The following CASZ1 variants were observed in gnomAD, a reference collection of about 807,000 sequenced individuals.
CASZ1 encodes castor zinc finger 1.
In CASZ1, 28 loss-of-function variants were observed where a neutral mutation model predicts 135.2. That is an observed-to-expected ratio of 0.21 (90% CI 0.15 to 0.28). The LOEUF (loss-of-function observed/expected upper bound fraction) is 0.28. CASZ1 is among the 10% of genes least tolerant of loss of function. CASZ1 has a pLI of 1.00. For synonymous variants in CASZ1, 1,068 were observed against 1,073.4 expected (o/e 0.99, Z 0.10); for missense variants, 2,161 against 2,453.3 (o/e 0.88, Z 2.52).
chr1:10,769,049 A>G (rs1326235286), intron 1 of CASZ1, among the ~76,000 whole-genome samples: 1 of 152,218 alleles, frequency 6.6e-6, no homozygotes, highest in Non-Finnish European at 1.5e-5. Flanking sequence ...CTGAGGCAGG[A>G]GAATCACTTG....
rs536621963 is a variant in CASZ1 at position 10,742,636 on chromosome 1, C to G, written c.-77+18065G>C. Among the ~76,000 whole-genome samples the G allele has an allele frequency of 1.1e-3, 165 of 152,248 alleles. 2 individuals are homozygous for G. The highest frequency in any genetic ancestry group is 3.8e-3 in the African/African-American group (159 of 41,550). ...GAAATCCTCCAGTCAGGGTCAAGCCCTTATCTGAGCGCATTGAAAGGAAGG... is the reference window on the plus strand; with the variant it reads ...GAAATCCTCCAGTCAGGGTCAAGCCGTTATCTGAGCGCATTGAAAGGAAGG... On this transcript the variant is annotated intron_variant, in intron 2 of 20. Transcript: ENST00000377022.
chr1:10,701,514 T>G lies in CASZ1; in HGVS notation c.-24+3978A>C, dbSNP rs1639060000. Among the ~76,000 whole-genome samples, 1 of 151,120 alleles carries G rather than the reference T, an allele frequency of 6.6e-6. No individual in the cohort carries two copies. ...TCTCGCCAAAGCTCGCCCTTCAGAG[T>G]GATGGAGTGATGGGAGGAGGGGGGG... On this transcript the variant is annotated intron_variant, in intron 3 of 20. Coordinates refer to ENST00000377022, the MANE Select transcript of CASZ1 (RefSeq NM_001079843.3). The surrounding 1 kb of genome is among the most constrained non-coding windows in gnomAD (Gnocchi z 6.3).
chr1:10,700,776 G>A lies in CASZ1; in HGVS notation c.-24+4716C>T, dbSNP rs1442975712. Reference sequence around the variant, plus strand: ...TGGGGGACAGAGAGGGACTGCTAATGAGTACAGGGTTTCTTCCTGGGGGAA... The same window carrying A: ...TGGGGGACAGAGAGGGACTGCTAATAAGTACAGGGTTTCTTCCTGGGGGAA... On this transcript the variant is annotated intron_variant, in intron 3 of 20. Transcript: ENST00000377022. This position sits in a 1 kb window ranked among gnomAD's most constrained non-coding sequence, Gnocchi z 4.2. Among the ~76,000 whole-genome samples the A allele has an allele frequency of 6.6e-6, 1 of 152,196 alleles. No individual in the cohort carries two copies. Among genetic ancestry groups the A allele is most frequent in the African/African-American group, 2.4e-5 (1 of 41,426 alleles).
chr1:10,753,700 G>C (rs1309279127), intron 2 of CASZ1, among the ~76,000 whole-genome samples: 1 of 152,186 alleles, frequency 6.6e-6, no homozygotes, highest in Non-Finnish European at 1.5e-5. Flanking sequence ...AGCAGGGCAA[G>C]TTCCAGACAG....
Position 10,767,140 on chromosome 1 carries a change from G to A in CASZ1, c.-233-6283C>T, listed in dbSNP as rs531342768. 4.6e-5 allele frequency among the ~76,000 whole-genome samples: 7 copies of A among 151,708 alleles called. No homozygotes were observed. The highest frequency in any genetic ancestry group is 3.9e-4 in the East Asian group (2 of 5,118). On this transcript the variant is annotated intron_variant, in intron 1 of 20. Transcript: ENST00000377022. This position sits in a 1 kb window ranked among gnomAD's most constrained non-coding sequence, Gnocchi z 4.2. ...GGGAAAAGATGGGGCCCGGTCGTCC[G>A]CATTCCTCATGAGTTCCTGATGGGA... is the stretch of plus-strand genomic sequence containing the variant.
chr1:10,751,423 G>A (rs767739097), intron 2 of CASZ1, among the ~76,000 whole-genome samples: 2 of 152,304 alleles, frequency 1.3e-5, no homozygotes, highest in Non-Finnish European at 2.9e-5. Flanking sequence ...TCTTTAGGGT[G>A]AGGCATATTT....
In CASZ1 at chr1:10,767,320, G is replaced by A. The variant is rs961938629; in HGVS notation, c.-233-6463C>T. Among the ~76,000 whole-genome samples the A allele has an allele frequency of 1.3e-5, 2 of 152,252 alleles. No homozygotes were observed. The highest frequency in any genetic ancestry group is 4.8e-5 in the African/African-American group (2 of 41,472). ...TCAGGAAGTCCCTGGAGGGCAGGCA[G>A]CAGAGCTGGGGCCCCATCTCCCAGC... On this transcript the variant is annotated intron_variant, in intron 1 of 20. Coordinates refer to ENST00000377022, the MANE Select transcript of CASZ1 (RefSeq NM_001079843.3). The surrounding 1 kb of genome is among the most constrained non-coding windows in gnomAD (Gnocchi z 4.2).
chr1:10,658,020 A>G (rs1642867765), intron 7 of CASZ1: 1 of 147,816 alleles, frequency 6.8e-6, no homozygotes. Context: ...TTTTAAAGAG[A>G]TAGGGTCTCA....
At chr1:10,698,048 G>T (rs1638977859) in intron 3 of CASZ1, among the ~76,000 whole-genome samples, 4 of 152,230 alleles carry the variant, frequency 2.6e-5, no homozygotes, top group Non-Finnish European at 4.4e-5. Flanking sequence ...GGGTGTTGGG[G>T]CAGGGGGTCA....
intron 15 of CASZ1, 124 bp from the exon 16 acceptor site, chr1:10,648,263 T>G: frequency 1.4e-6 from 1 of 691,556 alleles, no homozygotes. Flanking sequence ...ATCACTCAGC[T>G]CCAGAAGTCC....
In CASZ1 at chr1:10,659,884, G is replaced by A. The variant is rs143375182; in HGVS notation, c.1158C>T (p.Pro386=). Reference sequence around the variant, plus strand: ...GGCTGGGGGTGGGCGGAACCTTGGCGGGGCCTGGCTTCTGGATGCCCCGGA... The same window carrying A: ...GGCTGGGGGTGGGCGGAACCTTGGCAGGGCCTGGCTTCTGGATGCCCCGGA... ...YDVRGIQKPG[P]AKVPPTPSLA... Residue 386 remains proline (P), a synonymous_variant, in exon 6 of 21, where the codon CCC becomes CCT. Coordinates refer to ENST00000377022, the MANE Select transcript of CASZ1 (RefSeq NM_001079843.3). 125 of 1,610,938 alleles carry A rather than the reference G, an allele frequency of 7.8e-5. No individual in the cohort carries two copies. Among genetic ancestry groups the A allele is most frequent in the African/African-American group, 2.1e-4 (16 of 74,824 alleles).
At position 10,691,989 on chromosome 1, in the gene CASZ1, C is replaced by T. The variant is rs1427871160; in HGVS notation, c.16+1885G>A. 5.3e-5 allele frequency among the ~76,000 whole-genome samples: 8 copies of T among 152,316 alleles called. No individual in the cohort carries two copies. In the East Asian group the frequency reaches 1.5e-3, roughly 29 times the overall value. ...TCCAGCTACAGGAGGAAGCAGCTGA[C>T]CTCAGGGTCCCTTCTAGCTTCTAGG... On this transcript the variant is annotated intron_variant, in intron 4 of 20. Coordinates refer to ENST00000377022, the MANE Select transcript of CASZ1 (RefSeq NM_001079843.3).
chr1:10,665,025 T>C, intron 5 of CASZ1, 58 bp downstream of exon 5: 11 of 1,473,734 alleles, frequency 7.5e-6, no homozygotes, highest in Non-Finnish European at 9.9e-6. Flanking sequence ...ACACTGCCCC[T>C]TCCCCACTGG....
At chr1:10,640,692 G>A (rs1238342094) in intron 20 of CASZ1, among the ~76,000 whole-genome samples, 2 of 152,210 alleles carry the variant, frequency 1.3e-5, no homozygotes, top group Non-Finnish European at 2.9e-5. Context: ...GGAGAGGGCA[G>A]CCCTGATGGA....
chr1:10,790,847 C>A (rs538755633), intron 1 of CASZ1, among the ~76,000 whole-genome samples: 1 of 151,286 alleles, frequency 6.6e-6, no homozygotes, highest in Non-Finnish European at 1.5e-5. Context: ...TAAGAGGGGG[C>A]GAGCGAGCCC....
intron 11 of CASZ1, chr1:10,653,100 G>A (rs1321165172): frequency 7.9e-6 from 4 of 504,736 alleles, no homozygotes; most frequent in African/African-American, 1.9e-5. Flanking sequence ...GTGGCCCCAG[G>A]GATGCAGGGC....
chr1:10,783,871 CAAAA>C (rs34487572), intron 1 of CASZ1, among the ~76,000 whole-genome samples: 36 of 78,950 alleles, frequency 4.6e-4, no homozygotes, highest in African/African-American at 1.5e-3. Context: ...GACTCCGTCT[CAAAA>C]AAAAAAAAAA....
chr1:10,641,518 G>A (rs1210660213), intron 20 of CASZ1, among the ~76,000 whole-genome samples: 3 of 152,248 alleles, frequency 2.0e-5, no homozygotes, highest in Admixed American at 6.5e-5. Context: ...GAGCACTGCC[G>A]GGGCCTGAGT....
intron 7 of CASZ1, 37 bp from the exon 8 acceptor site, chr1:10,656,773 G>GGGTGAC: frequency 7.1e-7 from 1 of 1,409,520 alleles, no homozygotes; most frequent in Non-Finnish European, 9.8e-7. Context: ...GCCCTGCTGT[G>GGGTGAC]GGTGACAGTC....
Sources: gnomAD v4.1 joint callset for allele counts (sites outside exome capture counted in the v4.1 genomes callset) on GRCh38, gnomAD v4.1.1 for gene constraint, Gnocchi (gnomAD v3.1) non-coding constraint, MANE v1.5 for transcripts, NCBI Gene and HGNC (gene_info 2026-07-23, HGNC 2026-07-21) for gene names.